Variants in NAALADL2 observed in about 807,000 individuals in gnomAD.
The protein encoded by NAALADL2 is N-acetylated alpha-linked acidic dipeptidase like 2.
A neutral mutation model predicts 87.2 loss-of-function variants in NAALADL2; 76 were observed. The ratio of observed to expected loss-of-function variants is 0.87; its 90% CI spans 0.72 to 1.05. The LOEUF is 1.05. NAALADL2 is among the 50% of genes least tolerant of loss of function. The pLI is 0.00. For synonymous variants in NAALADL2, 354 were observed against 331.0 expected, an observed-to-expected ratio of 1.07 and a Z score of -0.75; for missense variants, 1,089 against 945.8, an observed-to-expected ratio of 1.15 and a Z score of -1.99.
intron 1 of NAALADL2, among the ~76,000 whole-genome samples, chr3:174,477,286 T>C (rs1183170857): frequency 6.6e-6 from 1 of 152,140 alleles, no homozygotes; most frequent in African/African-American, 2.4e-5. Context: ...ATTCTTATGA[T>C]TCCTAGTCCT....
At chr3:175,531,355 C>A (rs907820809) in intron 9 of NAALADL2, among the ~76,000 whole-genome samples, 3 of 152,132 alleles carry the variant, frequency 2.0e-5, no homozygotes. Flanking sequence ...AATCCCACAC[C>A]ACTGGACACC....
At chr3:174,857,024 G>C (rs557512302), upstream of NAALADL2, among the ~76,000 whole-genome samples, 3 of 152,268 alleles carry the variant, frequency 2.0e-5, no homozygotes, top group African/African-American at 7.2e-5. Context: ...GGGGCCTACT[G>C]TACCTATAAT....
chr3:175,225,608 G>T (rs937258418), intron 2 of NAALADL2, among the ~76,000 whole-genome samples: 1 of 151,866 alleles, frequency 6.6e-6, no homozygotes, highest in African/African-American at 2.4e-5. Flanking sequence ...GTGTGATAAA[G>T]GCTAGTCATT....
chr3:175,448,762 G>T (rs2149227395), intron 6 of NAALADL2, among the ~76,000 whole-genome samples: 1 of 152,316 alleles, frequency 6.6e-6, no homozygotes, highest in Non-Finnish European at 1.5e-5. Context: ...GGGCTAGAGT[G>T]CAAGTGGCTT....
intron 5 of NAALADL2, among the ~76,000 whole-genome samples, chr3:175,431,591 A>C (rs961303041): frequency 6.6e-6 from 1 of 151,950 alleles, no homozygotes; most frequent in Non-Finnish European, 1.5e-5. Flanking sequence ...GCGTGCAGGC[A>C]TTTGCAAAGC....
intron 2 of NAALADL2, among the ~76,000 whole-genome samples, chr3:174,607,197 A>G (rs186977303): frequency 1.2e-3 from 176 of 152,262 alleles, no homozygotes; most frequent in African/African-American, 4.0e-3. Flanking sequence ...AACTGGTACC[A>G]GCCGCTGCAA....
rs2148921039 is a variant in NAALADL2 at position 175,364,775 on chromosome 3, AT to A, written c.1090+40453del. Among the ~76,000 whole-genome samples, 2 of 147,846 alleles carry A rather than the reference AT, an allele frequency of 1.4e-5. 1 individual carries two copies. The highest frequency in any genetic ancestry group is 4.4e-4 in the South Asian group (2 of 4,526). On this transcript the variant is annotated intron_variant, in intron 5 of 13. Transcript: ENST00000454872. ...GCCTTACATGAGGAACAGATTATAA[AT>A]TTGTGTTTGTGTCAGTATAATTAAG...
At chr3:175,019,612 A>G (rs1411622195) in intron 1 of NAALADL2, among the ~76,000 whole-genome samples, 7 of 151,932 alleles carry the variant, frequency 4.6e-5, no homozygotes, top group Admixed American at 2.6e-4. Context: ...CTAAGTTATG[A>G]GTTTACCAGT....
At chr3:175,532,233 G>T (rs1734185269) in intron 9 of NAALADL2, among the ~76,000 whole-genome samples, 1 of 152,116 alleles carries the variant, frequency 6.6e-6, no homozygotes, top group Non-Finnish European at 1.5e-5. Flanking sequence ...GACATTTTGG[G>T]TCCACTGGAA....
intron 10 of NAALADL2, among the ~76,000 whole-genome samples, chr3:175,596,367 A>G (rs779448844): frequency 1.8e-4 from 28 of 151,946 alleles, no homozygotes; most frequent in Non-Finnish European, 4.0e-4. Context: ...AAACAAAGCT[A>G]AATTATACTA....
intron 1 of NAALADL2, among the ~76,000 whole-genome samples, chr3:175,049,100 TA>T (rs1481750040): frequency 2.0e-5 from 3 of 151,878 alleles, no homozygotes; most frequent in Non-Finnish European, 4.4e-5. Flanking sequence ...ACCCCACAGA[TA>T]TTTTTTTTTT....
intron 1 of NAALADL2, among the ~76,000 whole-genome samples, chr3:174,500,092 A>G (rs1718791911): frequency 6.6e-6 from 1 of 151,276 alleles, no homozygotes; most frequent in African/African-American, 2.4e-5. Flanking sequence ...TATCTTTTTT[A>G]TTTCTCTTGG....
intron 2 of NAALADL2, among the ~76,000 whole-genome samples, chr3:175,210,648 G>T (rs1160545318): frequency 8.6e-5 from 13 of 150,880 alleles, no homozygotes; most frequent in Non-Finnish European, 1.9e-4. Flanking sequence ...AAAAGAAGAA[G>T]AAAATAAGAA....
At chr3:175,720,340 TAATC>T (rs1218912387) in intron 11 of NAALADL2, among the ~76,000 whole-genome samples, 1 of 151,992 alleles carries the variant, frequency 6.6e-6, no homozygotes, top group Non-Finnish European at 1.5e-5. Flanking sequence ...AGAAGTAACA[TAATC>T]AGTGAAATTA....
chr3:174,799,647 T>C (rs1458882611), intron 3 of NAALADL2, among the ~76,000 whole-genome samples: 1 of 152,146 alleles, frequency 6.6e-6, no homozygotes, highest in Non-Finnish European at 1.5e-5. Context: ...ACTAATACAG[T>C]AAATTCTACC....
chr3:175,407,421 A>C (rs534833405), intron 5 of NAALADL2, among the ~76,000 whole-genome samples: 1 of 152,328 alleles, frequency 6.6e-6, no homozygotes, highest in East Asian at 1.9e-4. Flanking sequence ...GTTTTAACAT[A>C]ATCTGATCTC....
chr3:175,729,517 T>G (rs1743381171), intron 11 of NAALADL2, among the ~76,000 whole-genome samples: 1 of 152,186 alleles, frequency 6.6e-6, no homozygotes. Flanking sequence ...GAAGCCATAC[T>G]TCAACCACTC....
intron 11 of NAALADL2, among the ~76,000 whole-genome samples, chr3:175,670,973 C>T (rs919858701): frequency 6.6e-6 from 1 of 151,154 alleles, no homozygotes; most frequent in Non-Finnish European, 1.5e-5. Flanking sequence ...ATCTTCTGAG[C>T]AACAAGTGAC....
chr3:175,474,851 G>T (rs1725439782), intron 9 of NAALADL2, among the ~76,000 whole-genome samples: 1 of 151,990 alleles, frequency 6.6e-6, no homozygotes, highest in Non-Finnish European at 1.5e-5. Flanking sequence ...TGCTAAATTG[G>T]TGTCCACTTT....
Sources: gnomAD v4.1 joint callset for allele counts (sites outside exome capture counted in the v4.1 genomes callset) on GRCh38, gnomAD v4.1.1 for gene constraint, MANE v1.5 for transcripts, NCBI Gene and HGNC (gene_info 2026-07-23, HGNC 2026-07-21) for gene names.